WBP4: variants seen among roughly 807,000 people sequenced by gnomAD.
The protein encoded by WBP4 is WW domain-binding protein 4.
Under a neutral mutation model 55.4 loss-of-function variants are expected in WBP4, and 37 were observed. That is an observed-to-expected ratio of 0.67 (90% confidence interval 0.51 to 0.88). The LOEUF is 0.88. WBP4 is among the 40% of genes least tolerant of loss of function. WBP4 has a pLI of 0.00. For synonymous variants in WBP4, 142 were observed against 140.2 expected (o/e 1.01, Z -0.09); for missense variants, 398 against 420.8 (o/e 0.95, Z 0.47).
At chr13:41,066,407 C>T (rs1162701447) in intron 4 of WBP4, among the ~76,000 whole-genome samples, 1 of 152,076 alleles carries the variant, frequency 6.6e-6, no homozygotes, top group African/African-American at 2.4e-5. Context: ...TTGCAGACCT[C>T]TTCTTTAGAT....
Position 41,062,105 on chromosome 13 carries a change from T to G in WBP4, c.2+430T>G, listed in dbSNP as rs1011504265. 4.5e-5 allele frequency: 43 copies of G among 949,538 alleles called. No homozygotes were observed. In the African/African-American group the frequency reaches 7.8e-4, roughly 17 times the overall value. 58.8% of individuals were successfully genotyped at this position (949,538 alleles called of 1,614,324 possible). On this transcript the variant is annotated intron_variant, in intron 1 of 9. Transcript: ENST00000379487. The stretch of plus-strand genomic sequence containing the variant: ...CCTGGATAGCGTAATGGTTTTTTTT[T>G]TTTTTTTTTTTTTTTTTTTGTCGGC...
Position 41,080,644 on chromosome 13 carries a change from A to G in WBP4, c.757-2A>G, listed in dbSNP as rs1204570020. On this transcript the variant is annotated splice_acceptor_variant, in intron 8 of 9. Coordinates refer to ENST00000379487, the MANE Select transcript of WBP4 (RefSeq NM_007187.5). LOFTEE classifies it high-confidence loss of function. ...TATTATTTCTTGGCTTTTACATTTC[A>G]GGAAAAAAATAAAAATAGTGATGGA... The G allele has an allele frequency of 1.3e-6, 2 of 1,575,206 alleles. No individual in the cohort carries two copies. The highest frequency in any genetic ancestry group is 1.2e-5 in the South Asian group (1 of 83,878).
chr13:41,072,955 A>C (rs2138473030), intron 7 of WBP4, 98 bp downstream of exon 7: 1 of 882,186 alleles, frequency 1.1e-6, no homozygotes, highest in African/African-American at 1.7e-5. Context: ...ATTTTAGTAT[A>C]CAATAAACAT....
chr13:41,080,719 C>G lies in WBP4; in HGVS notation c.830C>G (p.Ser277Ter), dbSNP rs367940713. Residue 277 changes from serine to a stop codon, truncating the protein, a stop_gained, in exon 9 of 10, where the codon TCA (serine) becomes TGA (stop). Coordinates refer to ENST00000379487, the MANE Select transcript of WBP4 (RefSeq NM_007187.5). LOFTEE classifies it high-confidence loss of function. ...GAAAAAAGTATTCAGAAACAGAATTCATTAGGTTCAAATGAAGAAAAATCG... is the reference window on the plus strand; with the variant it reads ...GAAAAAAGTATTCAGAAACAGAATTGATTAGGTTCAAATGAAGAAAAATCG... ...QKEKSIQKQN[S>*]LGSNEEKSKT... 1 of 1,606,678 alleles carries G rather than the reference C, an allele frequency of 6.2e-7. No individual in the cohort carries two copies. Among genetic ancestry groups the G allele is most frequent in the East Asian group, 2.2e-5 (1 of 44,776 alleles).
At chr13:41,080,353 C>T (rs987823439) in intron 8 of WBP4, among the ~76,000 whole-genome samples, 1 of 152,064 alleles carries the variant, frequency 6.6e-6, no homozygotes, top group African/African-American at 2.4e-5. Flanking sequence ...GCAAGTAAAG[C>T]AAGAAAGCAG....
chr13:41,065,984 C>T (rs927908309), intron 4 of WBP4, among the ~76,000 whole-genome samples: 6 of 152,278 alleles, frequency 3.9e-5, no homozygotes, highest in Admixed American at 3.3e-4. Context: ...ATAAAAACAG[C>T]TTTCAATTAA....
rs534694224 is a variant in WBP4, at chr13:41,081,148, A to G, written c.920+339A>G. 5.3e-5 allele frequency among the ~76,000 whole-genome samples: 8 copies of G among 151,938 alleles called. No individual in the cohort carries two copies. The East Asian group carries it at 9.7e-4, about 18-fold the overall frequency. ...GGAGGTGGAGGTTGCAGTGAGCTGA[A>G]ATCGCGCCACTGGACTCCAGCCTAG... On this transcript the variant is annotated intron_variant, in intron 9 of 9. Transcript: ENST00000379487.
At chr13:41,071,500 T>C in intron 5 of WBP4, 27 bp from the exon 6 acceptor site, 2 of 1,581,584 alleles carry the variant, frequency 1.3e-6, no homozygotes, top group African/African-American at 1.4e-5. Flanking sequence ...AAAAAGATTT[T>C]ATAAATGCAA....
At chr13:41,072,884 C>T (rs756064265) in intron 7 of WBP4, 27 bp downstream of exon 7, 3 of 1,584,388 alleles carry the variant, frequency 1.9e-6, no homozygotes, top group Non-Finnish European at 2.6e-6. Flanking sequence ...ATTATCTTAA[C>T]TGTTTAAAAT....
At position 41,061,565 on chromosome 13, in the gene WBP4, A is replaced by T; in HGVS notation, c.-109A>T. 1 of 1,548,054 alleles carries T rather than the reference A, an allele frequency of 6.5e-7. No homozygotes were observed. Among genetic ancestry groups the T allele is most frequent in the Non-Finnish European group, 8.9e-7 (1 of 1,125,746 alleles). On this transcript the variant is annotated 5_prime_UTR_variant, in exon 1 of 10. Coordinates refer to ENST00000379487, the MANE Select transcript of WBP4 (RefSeq NM_007187.5). ...GGACTGAGTAAGGTGTCTGGATCGG[A>T]GGGAGGTTCGGGTGGGCATCGGGCG... is the stretch of plus-strand genomic sequence containing the variant.
chr13:41,073,479 C>A (rs1450466709), intron 7 of WBP4, among the ~76,000 whole-genome samples: 2 of 150,900 alleles, frequency 1.3e-5, no homozygotes, highest in South Asian at 4.2e-4. Flanking sequence ...TGCCATTGCA[C>A]TCCAGCCTGG....
At chr13:41,072,281 G>A (rs928089475) in intron 6 of WBP4, among the ~76,000 whole-genome samples, 2 of 152,048 alleles carry the variant, frequency 1.3e-5, no homozygotes, top group African/African-American at 2.4e-5. Flanking sequence ...GTATTAGTCA[G>A]TTCTTGCATT....
intron 5 of WBP4, 125 bp from the exon 6 acceptor site, chr13:41,071,402 A>G: frequency 1.4e-6 from 1 of 718,320 alleles, no homozygotes; most frequent in Non-Finnish European, 2.3e-6. Context: ...TTATTTTTCA[A>G]ATATGTTTTA....
In WBP4 at chr13:41,072,860, A is replaced by G. The variant is rs750249476; in HGVS notation, c.562+3A>G. 5.6e-6 allele frequency: 9 copies of G among 1,607,008 alleles called. No homozygotes were observed. In the African/African-American group the frequency reaches 6.7e-5, roughly 12 times the overall value. Reference sequence around the variant, plus strand: ...TTACTATAATACAGAAACAGGAGGTAAGTATTACCTTTGATTATCTTAACT... The same window carrying G: ...TTACTATAATACAGAAACAGGAGGTGAGTATTACCTTTGATTATCTTAACT... On this transcript the variant is annotated splice_donor_region_variant and intron_variant, in intron 7 of 9. Transcript: ENST00000379487.
At chr13:41,064,348 A>T (rs1877847905) in intron 2 of WBP4, among the ~76,000 whole-genome samples, 1 of 152,142 alleles carries the variant, frequency 6.6e-6, no homozygotes, top group Non-Finnish European at 1.5e-5. Context: ...GCAGTCAGTA[A>T]GCTTGTGTAT....
chr13:41,072,755 T>G lies in WBP4; in HGVS notation c.487-27T>G, dbSNP rs889451028. On this transcript the variant is annotated intron_variant, in intron 6 of 9. Coordinates refer to ENST00000379487, the MANE Select transcript of WBP4 (RefSeq NM_007187.5). Reference sequence around the variant, plus strand: ...TAGAAAATCATGGTTATCCTTAGTTTATGCTGGGTTTTTTTCCTCCTATTA... The same window carrying G: ...TAGAAAATCATGGTTATCCTTAGTTGATGCTGGGTTTTTTTCCTCCTATTA... 3.7e-6 allele frequency: 6 copies of G among 1,601,910 alleles called. No individual in the cohort carries two copies. The African/African-American group carries it at 6.7e-5, about 18-fold the overall frequency.
chr13:41,075,779 C>A (rs759536389), intron 7 of WBP4, among the ~76,000 whole-genome samples: 1 of 151,934 alleles, frequency 6.6e-6, no homozygotes, highest in African/African-American at 2.4e-5. Context: ...AATTGTGAAC[C>A]GTTAGAAATA....
In WBP4 at chr13:41,061,521, A is replaced by T. The variant is rs1858324821; in HGVS notation, c.-153A>T. The T allele has an allele frequency of 8.1e-7, 1 of 1,232,894 alleles. No individual in the cohort carries two copies. The highest frequency in any genetic ancestry group is 1.3e-5 in the South Asian group (1 of 76,864). 76.4% of individuals were successfully genotyped at this position (1,232,894 alleles called of 1,614,324 possible). A position where few individuals can be genotyped will look rare whatever the true frequency, so the allele number is the denominator to read the frequency against. On this transcript the variant is annotated 5_prime_UTR_variant, in exon 1 of 10. Coordinates refer to ENST00000379487, the MANE Select transcript of WBP4 (RefSeq NM_007187.5). The stretch of plus-strand genomic sequence containing the variant: ...CGTCTGGGCACCCGTAGTTGGGAAC[A>T]GCGGAACGCTGGTCCCGGGGACTGA...
In WBP4 at chr13:41,083,090, A is replaced by G. The variant is rs564708230; in HGVS notation, c.*176A>G. 142 of 647,284 alleles carry G rather than the reference A, an allele frequency of 2.2e-4. No homozygotes were observed. The African/African-American group carries it at 2.4e-3, about 11-fold the overall frequency. 40.1% of individuals were successfully genotyped at this position (647,284 alleles called of 1,614,324 possible). A position where few individuals can be genotyped will look rare whatever the true frequency, so the allele number is the denominator to read the frequency against. The stretch of plus-strand genomic sequence containing the variant: ...TGTGAAATTTATTTTGGTTCCTAAA[A>G]TGGAAGCCTACCACATTGCATTGTA... On this transcript the variant is annotated 3_prime_UTR_variant, in exon 10 of 10. Transcript: ENST00000379487.
Sources: gnomAD v4.1 joint callset for allele counts (sites outside exome capture counted in the v4.1 genomes callset) on GRCh38, gnomAD v4.1.1 for gene constraint, MANE v1.5 for transcripts, NCBI Gene and HGNC (gene_info 2026-07-23, HGNC 2026-07-21) for gene names.